Variants in SMOC1 observed in about 807,000 individuals in gnomAD.
The protein encoded by SMOC1 is SPARC-related modular calcium-binding protein 1.
A neutral mutation model predicts 56.3 loss-of-function variants in SMOC1; 22 were observed. That is an observed-to-expected ratio of 0.39 (90% CI 0.28 to 0.56). The LOEUF is 0.56. Among genes scored for constraint, SMOC1 ranks in the 20% least tolerant of loss-of-function variants. The pLI, the probability that SMOC1 is intolerant of heterozygous loss-of-function variation, is 0.61. For synonymous variants in SMOC1, 193 were observed against 215.0 expected (o/e 0.90, Z 0.89); for missense variants, 509 against 565.4 (o/e 0.90, Z 1.01).
chr14:69,990,167 T>C (rs1884510699), intron 5 of SMOC1, among the ~76,000 whole-genome samples: 1 of 152,160 alleles, frequency 6.6e-6, no homozygotes, highest in African/African-American at 2.4e-5. Flanking sequence ...GGGCAAAGCT[T>C]CCCCAAAAAA....
chr14:69,986,199 A>G (rs1472469873), intron 5 of SMOC1, among the ~76,000 whole-genome samples: 2 of 152,262 alleles, frequency 1.3e-5, no homozygotes, highest in African/African-American at 4.8e-5. Flanking sequence ...CAGTCTAGAA[A>G]TGACAGCATT....
At chr14:69,983,237 C>A (rs771777478) in intron 5 of SMOC1, among the ~76,000 whole-genome samples, 7 of 152,194 alleles carry the variant, frequency 4.6e-5, no homozygotes, top group Non-Finnish European at 7.3e-5. Flanking sequence ...ATTTAGGGAT[C>A]TGGAAAAAGC....
Position 69,992,441 on chromosome 14 carries a change from C to A in SMOC1, c.551C>A (p.Thr184Lys). Reference sequence around the variant, plus strand: ...GATGACGGGTCTAAGCCGACACCCACGATGGAGACCCAGCCGGTGTTCGAT... The same window carrying A: ...GATGACGGGTCTAAGCCGACACCCAAGATGGAGACCCAGCCGGTGTTCGAT... Reference protein sequence around the residue: ...RKDDGSKPTPTMETQPVFDGD... With the variant: ...RKDDGSKPTPKMETQPVFDGD... The change falls in exon 6 of 12, where the codon ACG (threonine) becomes AAG (lysine). Residue 184 changes from threonine to lysine, a missense_variant. This residue lies in a region of SMOC1 where 315 missense variants were observed against 333.1 expected (regional missense o/e 0.95). Coordinates refer to ENST00000361956, the MANE Select transcript of SMOC1 (RefSeq NM_001034852.3). 1 of 1,614,108 alleles carries A rather than the reference C, an allele frequency of 6.2e-7. No individual in the cohort carries two copies. The highest frequency in any genetic ancestry group is 8.5e-7 in the Non-Finnish European group (1 of 1,179,956).
chr14:69,891,858 A>C (rs1427245660), intron 1 of SMOC1, among the ~76,000 whole-genome samples: 3 of 152,204 alleles, frequency 2.0e-5, no homozygotes, highest in African/African-American at 7.2e-5. Context: ...CATAAGTATG[A>C]CCCGCATAAA....
intron 1 of SMOC1, among the ~76,000 whole-genome samples, chr14:69,900,274 T>A (rs764644347): frequency 3.9e-5 from 6 of 152,146 alleles, no homozygotes; most frequent in Non-Finnish European, 8.8e-5. Flanking sequence ...GTAGGGAGTG[T>A]GTGTGCCATT....
At chr14:69,980,063 G>GT (rs1330212870) in intron 5 of SMOC1, among the ~76,000 whole-genome samples, 1 of 151,554 alleles carries the variant, frequency 6.6e-6, no homozygotes, top group Non-Finnish European at 1.5e-5. Context: ...CCAGCTGGAA[G>GT]TGGGGGGGTG....
chr14:69,939,614 C>G (rs2139412401), intron 1 of SMOC1, among the ~76,000 whole-genome samples: 1 of 152,340 alleles, frequency 6.6e-6, no homozygotes, highest in East Asian at 1.9e-4. Flanking sequence ...ATCCCACAGT[C>G]TGCTAAAGGG....
intron 1 of SMOC1, among the ~76,000 whole-genome samples, chr14:69,911,958 G>A (rs577631698): frequency 6.6e-6 from 1 of 152,212 alleles, no homozygotes; most frequent in Admixed American, 6.5e-5. Context: ...GTACCATTTC[G>A]CATCCCCACC....
chr14:69,982,607 C>G lies in SMOC1; in HGVS notation c.526+4642C>G, dbSNP rs184928982. Among the ~76,000 whole-genome samples the G allele has an allele frequency of 5.9e-5, 9 of 152,356 alleles. No individual in the cohort carries two copies. In the East Asian group the frequency reaches 9.7e-4, roughly 16 times the overall value. The stretch of plus-strand genomic sequence containing the variant: ...CCTGAAGGAGGGGTGCTTCATTGCC[C>G]TGAGCCTGGCAGAGCCGTGTTGGGC... On this transcript the variant is annotated intron_variant, in intron 5 of 11. Coordinates refer to ENST00000361956, the MANE Select transcript of SMOC1 (RefSeq NM_001034852.3).
intron 11 of SMOC1, among the ~76,000 whole-genome samples, chr14:70,023,861 G>C (rs1349495505): frequency 1.3e-5 from 2 of 151,758 alleles, no homozygotes; most frequent in South Asian, 2.1e-4. Flanking sequence ...GTGTGTAGGG[G>C]TAGGAGTAGG....
At chr14:69,912,733 G>C (rs1884586223) in intron 1 of SMOC1, among the ~76,000 whole-genome samples, 1 of 152,172 alleles carries the variant, frequency 6.6e-6, no homozygotes, top group African/African-American at 2.4e-5. Flanking sequence ...TTCCAGGCAG[G>C]AGAGAGGGAA....
At chr14:69,975,653 G>A in intron 3 of SMOC1, 62 bp from the exon 4 acceptor site, 1 of 1,186,266 alleles carries the variant, frequency 8.4e-7, no homozygotes, top group South Asian at 1.2e-5. Flanking sequence ...AGGGGTTGGA[G>A]ATGAGTCTTG....
At chr14:69,904,871 G>A (rs957467964) in intron 1 of SMOC1, among the ~76,000 whole-genome samples, 6 of 152,268 alleles carry the variant, frequency 3.9e-5, no homozygotes, top group African/African-American at 1.4e-4. Flanking sequence ...ATTTAGCAGC[G>A]ATCCTTCAAC....
chr14:69,908,371 A>G (rs1884467347), intron 1 of SMOC1, among the ~76,000 whole-genome samples: 1 of 152,208 alleles, frequency 6.6e-6, no homozygotes, highest in African/African-American at 2.4e-5. Flanking sequence ...TGCTCACTTC[A>G]AATGTGAAAG....
intron 1 of SMOC1, among the ~76,000 whole-genome samples, chr14:69,900,035 C>G (rs938338605): frequency 5.9e-5 from 9 of 152,324 alleles, no homozygotes; most frequent in African/African-American, 2.2e-4. Flanking sequence ...TTCTTACATA[C>G]TCGCCATACC....
chr14:70,023,352 A>G lies in SMOC1; in HGVS notation c.1196A>G (p.Lys399Arg), dbSNP rs1885801977. Reference sequence around the variant, plus strand: ...GTGAAGAAGAAAGCCAAGCCCAAGAAATGTGCCCGGCGTTTCACCGACTAC... The same window carrying G: ...GTGAAGAAGAAAGCCAAGCCCAAGAGATGTGCCCGGCGTTTCACCGACTAC... ...RYVKKKAKPKKCARRFTDYCD... is the reference protein window; with the variant it reads ...RYVKKKAKPKRCARRFTDYCD... Residue 399 changes from lysine (K) to arginine (R), a missense_variant, in exon 11 of 12, where the codon AAA becomes AGA. Physicochemically the swap from Lys to Arg is conservative, Grantham distance 26. Transcript: ENST00000361956. The G allele has an allele frequency of 6.2e-7, 1 of 1,614,014 alleles. No homozygotes were observed.
intron 10 of SMOC1, among the ~76,000 whole-genome samples, chr14:70,020,293 A>G (rs1428852317): frequency 1.3e-5 from 2 of 151,968 alleles, no homozygotes; most frequent in African/African-American, 4.8e-5. Context: ...AGGGTTCACA[A>G]TCCCTCATGG....
intron 1 of SMOC1, among the ~76,000 whole-genome samples, chr14:69,916,065 T>C (rs776456054): frequency 7.2e-5 from 11 of 152,248 alleles, no homozygotes; most frequent in Non-Finnish European, 1.2e-4. Flanking sequence ...AACATCTCTA[T>C]GTGGGCGTCT....
At chr14:69,902,911 C>T (rs951332325) in intron 1 of SMOC1, among the ~76,000 whole-genome samples, 8 of 152,252 alleles carry the variant, frequency 5.3e-5, no homozygotes, top group African/African-American at 1.7e-4. Flanking sequence ...GAGTCTCGTT[C>T]ACTCAGTGCT....
Sources: allele counts gnomAD v4.1 joint callset (sites outside exome capture counted in the v4.1 genomes callset), GRCh38; gene constraint gnomAD v4.1.1; regional missense constraint gnomAD v4.1.1; transcripts MANE v1.5; gene names NCBI Gene and HGNC (gene_info 2026-07-23, HGNC 2026-07-21).